Variants in STAT3 observed in about 807,000 individuals in gnomAD.
STAT3 encodes the protein signal transducer and activator of transcription 3, also known as DNA-binding protein APRF.
Under a neutral mutation model 114.3 loss-of-function variants are expected in STAT3, and 7 were observed. The observed-to-expected ratio is 0.06, with a 90% CI of 0.03 to 0.11. The LOEUF (loss-of-function observed/expected upper bound fraction) is 0.11. STAT3 is among the 10% of genes least tolerant of loss of function. STAT3 has a pLI of 1.00. For synonymous variants in STAT3, 331 were observed against 354.5 expected, an observed-to-expected ratio of 0.93 and a Z score of 0.74; for missense variants, 364 against 960.9, an observed-to-expected ratio of 0.38 and a Z score of 8.21.
At chr17:42,331,764 T>C (rs1007565685) in intron 10 of STAT3, among the ~76,000 whole-genome samples, 3 of 151,962 alleles carry the variant, frequency 2.0e-5, no homozygotes, top group South Asian at 4.2e-4. Context: ...CCCACATCTA[T>C]AAAAAATTTA....
At chr17:42,361,121 G>T (rs2083485827) in intron 1 of STAT3, among the ~76,000 whole-genome samples, 2 of 152,260 alleles carry the variant, frequency 1.3e-5, no homozygotes, top group African/African-American at 4.8e-5. Context: ...TATACAGCAA[G>T]AAAGATGCCT....
chr17:42,362,397 T>G (rs1383819336), intron 1 of STAT3, among the ~76,000 whole-genome samples: 4 of 152,198 alleles, frequency 2.6e-5, no homozygotes, highest in Non-Finnish European at 5.9e-5. Flanking sequence ...AGCTGTTAAC[T>G]GTCTCCCAAC....
At chr17:42,326,867 G>A (rs1303673111) in intron 14 of STAT3, among the ~76,000 whole-genome samples, 2 of 152,046 alleles carry the variant, frequency 1.3e-5, no homozygotes, top group Non-Finnish European at 1.5e-5. Context: ...TTTCCTCAGA[G>A]AGAATGGCAT....
intron 23 of STAT3, 133 bp from the exon 24 acceptor site, chr17:42,315,933 A>C: frequency 7.0e-6 from 11 of 1,561,966 alleles, no homozygotes; most frequent in Non-Finnish European, 9.5e-6. Context: ...AGGCCCAGGG[A>C]TGGTCAGAAA....
intron 1 of STAT3, among the ~76,000 whole-genome samples, chr17:42,363,023 A>T (rs1199074247): frequency 1.3e-5 from 2 of 152,222 alleles, no homozygotes; most frequent in Non-Finnish European, 2.9e-5. Context: ...TGAAGACAAG[A>T]AGAGTCTTGG....
Position 42,327,195 on chromosome 17 carries a change from C to G in STAT3, c.1282-996G>C, listed in dbSNP as rs138030004. Reference sequence around the variant, plus strand: ...AATTCTCTGGGTGCCCTTCCCCAACCCCATCCCCTTCCCTCCTCCCTCAGA... The same window carrying G: ...AATTCTCTGGGTGCCCTTCCCCAACGCCATCCCCTTCCCTCCTCCCTCAGA... On this transcript the variant is annotated intron_variant, in intron 14 of 23. Coordinates refer to ENST00000264657, the MANE Select transcript of STAT3 (RefSeq NM_139276.3). Among the ~76,000 whole-genome samples the G allele has an allele frequency of 6.6e-5, 10 of 152,274 alleles. 1 individual carries two copies. The highest frequency in any genetic ancestry group is 1.9e-4 in the African/African-American group (8 of 41,556).
chr17:42,315,575 T>C lies in STAT3; in HGVS notation c.*170A>G. The C allele has an allele frequency of 1.4e-6, 1 of 691,846 alleles. No individual in the cohort carries two copies. Among genetic ancestry groups the C allele is most frequent in the Non-Finnish European group, 2.6e-6 (1 of 389,772 alleles). 42.9% of individuals were successfully genotyped at this position (691,846 alleles called of 1,614,324 possible). A position where few individuals can be genotyped will look rare whatever the true frequency, so the allele number is the denominator to read the frequency against. ...TCACCCACATTCACTCATTTCTCTA[T>C]TTTTAAAAGTGCCCAGATTGCTCAA... On this transcript the variant is annotated 3_prime_UTR_variant, in exon 24 of 24. Transcript: ENST00000264657.
chr17:42,330,055 A>G (rs1052157442), intron 11 of STAT3, among the ~76,000 whole-genome samples: 1 of 152,108 alleles, frequency 6.6e-6, no homozygotes, highest in South Asian at 2.1e-4. Context: ...TTTCCAGTGC[A>G]TCCTCATGAA....
At chr17:42,334,670 C>T (rs776894639) in intron 8 of STAT3, among the ~76,000 whole-genome samples, 4 of 152,146 alleles carry the variant, frequency 2.6e-5, no homozygotes, top group Non-Finnish European at 4.4e-5. Context: ...GTCTTGAACT[C>T]CTGACCTCAG....
chr17:42,381,646 G>A (rs1326236200), intron 1 of STAT3, among the ~76,000 whole-genome samples: 1 of 151,638 alleles, frequency 6.6e-6, no homozygotes, highest in Admixed American at 6.6e-5. Context: ...GCAGGAGAGT[G>A]GCGTGAACCC....
intron 1 of STAT3, among the ~76,000 whole-genome samples, chr17:42,370,618 G>C (rs1232082372): frequency 1.3e-5 from 2 of 150,226 alleles, no homozygotes; most frequent in Admixed American, 6.6e-5. Flanking sequence ...AGATTTTCCT[G>C]TTTTTCTTTT....
chr17:42,323,767 G>T (rs918753458), intron 17 of STAT3, 142 bp from the exon 18 acceptor site: 1 of 814,076 alleles, frequency 1.2e-6, no homozygotes. Context: ...AGGCACTGTT[G>T]TGTGTGTGCA....
chr17:42,334,132 C>T (rs574036900), intron 8 of STAT3, 83 bp from the exon 9 acceptor site: 1 of 1,490,724 alleles, frequency 6.7e-7, no homozygotes, highest in East Asian at 2.3e-5. Flanking sequence ...ATACTGAAGA[C>T]ATGGAGACCA....
At position 42,324,439 on chromosome 17, in the gene STAT3, T is replaced by C. The variant is rs898266753; in HGVS notation, c.1600+272A>G. Among the ~76,000 whole-genome samples the C allele has an allele frequency of 6.6e-6, 1 of 152,146 alleles. No individual in the cohort carries two copies. Among genetic ancestry groups the C allele is most frequent in the Non-Finnish European group, 1.5e-5 (1 of 68,042 alleles). On this transcript the variant is annotated intron_variant, in intron 17 of 23. Transcript: ENST00000264657. The surrounding 1 kb of genome is among the most constrained non-coding windows in gnomAD (Gnocchi z 4.5). ...CCTTCCAACACACACTTAAAAGATC[T>C]TCTAAAGTTAGATAGAGTGGGTGAA...
chr17:42,382,514 A>C (rs1316486232), intron 1 of STAT3, among the ~76,000 whole-genome samples: 1 of 152,152 alleles, frequency 6.6e-6, no homozygotes, highest in Non-Finnish European at 1.5e-5. Flanking sequence ...GGCATAGCAC[A>C]CACCTCGGTC....
At chr17:42,364,162 C>T (rs1242761035) in intron 1 of STAT3, among the ~76,000 whole-genome samples, 1 of 152,164 alleles carries the variant, frequency 6.6e-6, no homozygotes, top group Non-Finnish European at 1.5e-5. Flanking sequence ...CCCTACTGAA[C>T]AGATGATGGC....
chr17:42,316,976 AACAC>A (rs914027298), intron 22 of STAT3, 75 bp from the exon 23 acceptor site: 4 of 1,559,870 alleles, frequency 2.6e-6, no homozygotes, highest in South Asian at 2.4e-5. Context: ...AAAAGAACAA[AACAC>A]ACACACACAA....
chr17:42,381,708 G>A (rs1244603842), intron 1 of STAT3, among the ~76,000 whole-genome samples: 1 of 150,506 alleles, frequency 6.6e-6, no homozygotes, highest in East Asian at 1.9e-4. Context: ...CTCCAGCCTG[G>A]GCGACAGAGC....
chr17:42,356,045 A>G (rs894368830), intron 1 of STAT3, among the ~76,000 whole-genome samples: 4 of 152,308 alleles, frequency 2.6e-5, no homozygotes, highest in Middle Eastern at 3.4e-3. Context: ...TGCATTTTAA[A>G]TAGAGCATAC....
Sources: gnomAD v4.1 joint callset for allele counts (sites outside exome capture counted in the v4.1 genomes callset) on GRCh38, gnomAD v4.1.1 for gene constraint, Gnocchi (gnomAD v3.1) non-coding constraint, MANE v1.5 for transcripts, NCBI Gene and HGNC (gene_info 2026-07-23, HGNC 2026-07-21) for gene names.